Variants in L2HGDH observed in about 807,000 individuals in gnomAD.
The protein encoded by L2HGDH is L-2-hydroxyglutarate dehydrogenase.
Under a neutral mutation model 51.5 loss-of-function variants are expected in L2HGDH, and 34 were observed. The ratio of observed to expected loss-of-function variants is 0.66; its 90% CI spans 0.50 to 0.88. L2HGDH has a LOEUF of 0.88. L2HGDH is among the 40% of genes least tolerant of loss of function. L2HGDH has a pLI of 0.00. For missense variants in L2HGDH, 558 were observed against 571.9 expected (o/e 0.98, Z 0.25); for synonymous variants, 198 against 197.9 (o/e 1.00, Z -0.01).
intron 9 of L2HGDH, among the ~76,000 whole-genome samples, chr14:50,255,691 A>G (rs1159055608): frequency 6.6e-6 from 1 of 151,996 alleles, no homozygotes; most frequent in Non-Finnish European, 1.5e-5. Context: ...AAGGCTAGAA[A>G]CTTTAAGCTT....
rs1030348978 is a variant in L2HGDH at position 50,245,115 on chromosome 14, A to T, written c.*1943T>A. The T allele has an allele frequency of 8.1e-6, 8 of 985,722 alleles. No individual in the cohort carries two copies. Among genetic ancestry groups the T allele is most frequent in the Non-Finnish European group, 9.6e-6 (8 of 829,940 alleles). 61.1% of individuals were successfully genotyped at this position (985,722 alleles called of 1,614,324 possible). Reference sequence around the variant, plus strand: ...AATGTAAGGCACTTTCGCGGTTTACAAAAGTGAATGCCTCAAAGTTAGATA... The same window carrying T: ...AATGTAAGGCACTTTCGCGGTTTACTAAAGTGAATGCCTCAAAGTTAGATA... On this transcript the variant is annotated 3_prime_UTR_variant, in exon 10 of 10. Transcript: ENST00000267436.
intron 9 of L2HGDH, among the ~76,000 whole-genome samples, chr14:50,255,553 A>AAT (rs1888618195): frequency 6.8e-6 from 1 of 147,392 alleles, no homozygotes; most frequent in Non-Finnish European, 1.5e-5. Flanking sequence ...AAAAAAAAAA[A>AAT]GAAAAGAAAA....
intron 4 of L2HGDH, among the ~76,000 whole-genome samples, chr14:50,289,517 A>G (rs1479704720): frequency 6.6e-6 from 1 of 152,200 alleles, no homozygotes; most frequent in Non-Finnish European, 1.5e-5. Flanking sequence ...GAAATTCATG[A>G]TTCAGGGAGC....
At chr14:50,281,600 A>G (rs1325066856) in intron 5 of L2HGDH, among the ~76,000 whole-genome samples, 1 of 152,180 alleles carries the variant, frequency 6.6e-6, no homozygotes, top group Non-Finnish European at 1.5e-5. Flanking sequence ...CTCAAAAAAA[A>G]TAAAATAAAT....
At chr14:50,282,250 G>A (rs1890314075) in intron 5 of L2HGDH, among the ~76,000 whole-genome samples, 1 of 152,042 alleles carries the variant, frequency 6.6e-6, no homozygotes, top group East Asian at 1.9e-4. Flanking sequence ...AGCCCCCTAC[G>A]ACAAAGAACG....
At chr14:50,294,424 C>T (rs2029911981) in intron 3 of L2HGDH, among the ~76,000 whole-genome samples, 178 bp from the exon 4 acceptor site, 1 of 152,136 alleles carries the variant, frequency 6.6e-6, no homozygotes, top group Non-Finnish European at 1.5e-5. Context: ...TCTTCCTCCA[C>T]CAAGAAAAGT....
Position 50,312,052 on chromosome 14 carries a change from C to A in L2HGDH, c.99G>T (p.Arg33Ser), listed in dbSNP as rs35710558. The A allele has an allele frequency of 1.8e-3, 2,902 of 1,590,234 alleles. 50 individuals are homozygous for A. In the African/African-American group the frequency reaches 0.033, roughly 18 times the overall value. The change falls in exon 1 of 10, where the codon AGG becomes AGT. Residue 33 changes from arginine to serine, a missense_variant. Arg to Ser is a moderately radical substitution (Grantham distance 110). Coordinates refer to ENST00000267436, the MANE Select transcript of L2HGDH (RefSeq NM_024884.3). ...GGCTACCTCCACACAGCGGTCTTGG[C>A]CTCCCAGACGCGAACCCGCACGCCC... ...SPGACGFASG[R>S]PRPLCGGSRS... is the part of the protein sequence containing the mutation.
chr14:50,270,813 A>C lies in L2HGDH; in HGVS notation c.739-1483T>G, dbSNP rs115488075. The stretch of plus-strand genomic sequence containing the variant: ...GAGCCACCGCGCCCGGCCAGGCCTT[A>C]CTGTTTAGCCTTACTCTATTGAGCT... On this transcript the variant is annotated intron_variant, in intron 6 of 9. Transcript: ENST00000267436. 1.9e-3 allele frequency among the ~76,000 whole-genome samples: 290 copies of C among 152,190 alleles called. 1 individual carries two copies. Among genetic ancestry groups the C allele is most frequent in the African/African-American group, 6.2e-3 (256 of 41,544 alleles).
intron 9 of L2HGDH, among the ~76,000 whole-genome samples, chr14:50,257,806 G>A (rs1888761754): frequency 6.7e-6 from 1 of 149,642 alleles, no homozygotes; most frequent in African/African-American, 2.5e-5. Context: ...ATTAATTGAA[G>A]CATATTTACT....
At chr14:50,289,078 G>A (rs1006589229) in intron 4 of L2HGDH, among the ~76,000 whole-genome samples, 2 of 152,134 alleles carry the variant, frequency 1.3e-5, no homozygotes, top group Admixed American at 1.3e-4. Flanking sequence ...AAAGTTCAGA[G>A]ATTTCCCATA....
At chr14:50,308,540 T>C (rs565594478) in intron 1 of L2HGDH, among the ~76,000 whole-genome samples, 17 of 152,148 alleles carry the variant, frequency 1.1e-4, no homozygotes, top group Admixed American at 3.9e-4. Flanking sequence ...GAAATGTAAA[T>C]AAAAACCACA....
chr14:50,259,010 C>CTT (rs554295046), intron 9 of L2HGDH, among the ~76,000 whole-genome samples: 3,657 of 121,392 alleles, frequency 0.03, 187 homozygotes, highest in African/African-American at 0.1. Context: ...ACGCCAGGCT[C>CTT]TTTTTTTTTT....
intron 4 of L2HGDH, among the ~76,000 whole-genome samples, chr14:50,292,412 T>C (rs1211270960): frequency 6.6e-6 from 1 of 152,238 alleles, no homozygotes; most frequent in Non-Finnish European, 1.5e-5. Flanking sequence ...TATTCAGGCC[T>C]ATTAAAAAGC....
At chr14:50,259,368 T>TG (rs1566506693) in intron 9 of L2HGDH, among the ~76,000 whole-genome samples, 2 of 32,560 alleles carry the variant, frequency 6.1e-5, no homozygotes, top group Non-Finnish European at 1.7e-4. Context: ...CTTTTTCGGT[T>TG]TTTTTTTTTT....
At chr14:50,299,040 G>A (rs4901010) in intron 3 of L2HGDH, among the ~76,000 whole-genome samples, 77,281 of 151,846 alleles carry the variant, frequency 0.51, 20,177 homozygotes, top group East Asian at 0.65. Flanking sequence ...ATTAATGAAA[G>A]GTTGGTTTTT....
At position 50,297,916 on chromosome 14, in the gene L2HGDH, CG is replaced by C. The variant is rs1238108361; in HGVS notation, c.409-3671del. Among the ~76,000 whole-genome samples the C allele has an allele frequency of 7.5e-5, 11 of 146,542 alleles. No homozygotes were observed. In the South Asian group the frequency reaches 8.9e-4, roughly 12 times the overall value. Reference sequence around the variant, plus strand: ...AGGAGTTTGAGACCAACTTGAGCAACGGAGGGAGATCCTAACTCAAAAAAAA... The same window carrying C: ...AGGAGTTTGAGACCAACTTGAGCAACGAGGGAGATCCTAACTCAAAAAAAA... On this transcript the variant is annotated intron_variant, in intron 3 of 9. Transcript: ENST00000267436.
At chr14:50,254,548 A>T (rs56075103) in intron 9 of L2HGDH, among the ~76,000 whole-genome samples, 2 of 151,990 alleles carry the variant, frequency 1.3e-5, no homozygotes, top group Non-Finnish European at 2.9e-5. Flanking sequence ...TGAGTGTCCA[A>T]TGTAAAACTC....
chr14:50,309,518 T>C (rs2030924888), intron 1 of L2HGDH, among the ~76,000 whole-genome samples: 1 of 150,872 alleles, frequency 6.6e-6, no homozygotes, highest in South Asian at 2.1e-4. Flanking sequence ...GCCAAGATCA[T>C]GCCACTGTAC....
intron 6 of L2HGDH, among the ~76,000 whole-genome samples, chr14:50,272,393 A>G (rs951918354): frequency 2.0e-5 from 3 of 152,186 alleles, no homozygotes; most frequent in African/African-American, 4.8e-5. Context: ...TCTTCTTTGA[A>G]TGGAAAGCCT....
Sources: allele counts gnomAD v4.1 joint callset (sites outside exome capture counted in the v4.1 genomes callset), GRCh38; gene constraint gnomAD v4.1.1; transcripts MANE v1.5; gene names NCBI Gene and HGNC (gene_info 2026-07-23, HGNC 2026-07-21).